Variants in LYPD6B observed in about 807,000 individuals in gnomAD.
LYPD6B encodes the protein ly6/PLAUR domain-containing protein 6B.
LYPD6B carries 17 observed loss-of-function variants against 22.8 expected under a neutral mutation model. The ratio of observed to expected loss-of-function variants is 0.75; its 90% CI spans 0.51 to 1.12. The LOEUF is 1.12. Ranked by LOEUF, LYPD6B falls within the 50% of genes most tolerant of loss-of-function variation. The pLI is 0.00. For synonymous variants in LYPD6B, 106 were observed against 91.6 expected (o/e 1.16, Z -0.90); for missense variants, 221 against 258.3 (o/e 0.86, Z 0.99).
chr2:149,144,594 G>A (rs58648788), intron 2 of LYPD6B, among the ~76,000 whole-genome samples: 2,568 of 152,206 alleles, frequency 0.017, 78 homozygotes, highest in African/African-American at 0.059. Flanking sequence ...GTTTCACCAT[G>A]TTGGCCCTAC....
intron 1 of LYPD6B, among the ~76,000 whole-genome samples, chr2:149,104,435 A>T (rs1244170220): frequency 2.0e-5 from 3 of 152,178 alleles, no homozygotes; most frequent in African/African-American, 7.2e-5. Flanking sequence ...AAGAGATAAA[A>T]TGGCTAACAT....
chr2:149,058,103 C>T (rs1031111639), intron 1 of LYPD6B, among the ~76,000 whole-genome samples: 1 of 152,132 alleles, frequency 6.6e-6, no homozygotes, highest in African/African-American at 2.4e-5. Context: ...ACTGTGTGAC[C>T]TTGGATGAGT....
intron 3 of LYPD6B, among the ~76,000 whole-genome samples, chr2:149,174,732 T>G (rs1410618386): frequency 6.6e-6 from 1 of 151,866 alleles, no homozygotes; most frequent in African/African-American, 2.4e-5. Context: ...AGGGATGAAG[T>G]CTGTTGTTCG....
chr2:149,098,677 T>G (rs1686035939), intron 1 of LYPD6B, among the ~76,000 whole-genome samples: 1 of 150,844 alleles, frequency 6.6e-6, no homozygotes. Flanking sequence ...TTTCTTGTAT[T>G]GCTTCTGTAA....
At chr2:149,040,214 TCTCTCTC>T (rs775070232) in intron 1 of LYPD6B, among the ~76,000 whole-genome samples, 1 of 98,004 alleles carries the variant, frequency 1.0e-5, no homozygotes, top group Non-Finnish European at 2.7e-5. Flanking sequence ...TCTCTCTCTC[TCTCTCTC>T]TTTTTTTTTT....
chr2:149,122,911 G>C (rs1246296710), intron 1 of LYPD6B, among the ~76,000 whole-genome samples: 1 of 152,186 alleles, frequency 6.6e-6, no homozygotes, highest in East Asian at 1.9e-4. Flanking sequence ...CTGTGACATG[G>C]TTTCCGTGTC....
intron 3 of LYPD6B, among the ~76,000 whole-genome samples, chr2:149,200,361 T>C (rs1464262066): frequency 6.6e-6 from 1 of 152,224 alleles, no homozygotes; most frequent in East Asian, 1.9e-4. Flanking sequence ...ATCATTTCTT[T>C]ATCATCTTTG....
chr2:149,197,099 C>T (rs12613053), intron 3 of LYPD6B, among the ~76,000 whole-genome samples: 29,809 of 152,208 alleles, frequency 0.2, 3,066 homozygotes, highest in East Asian at 0.36. Flanking sequence ...CTATATCTTT[C>T]TCTCAAGTAT....
chr2:149,191,985 G>T (rs1410264775), intron 3 of LYPD6B, among the ~76,000 whole-genome samples: 1 of 152,198 alleles, frequency 6.6e-6, no homozygotes, highest in Non-Finnish European at 1.5e-5. Flanking sequence ...CTTCAGCAAA[G>T]TGAGAAAGGT....
intron 2 of LYPD6B, among the ~76,000 whole-genome samples, chr2:149,155,855 C>A (rs1024256453): frequency 2.0e-5 from 3 of 152,178 alleles, no homozygotes; most frequent in African/African-American, 7.2e-5. Context: ...TAACAAAGGA[C>A]ATCAATCACT....
intron 2 of LYPD6B, among the ~76,000 whole-genome samples, chr2:149,143,144 A>G (rs920631226): frequency 1.3e-5 from 2 of 152,174 alleles, no homozygotes; most frequent in African/African-American, 2.4e-5. Context: ...CTCTCCCACT[A>G]TCCCATCTAT....
intron 2 of LYPD6B, among the ~76,000 whole-genome samples, chr2:149,157,184 C>T (rs1037859597): frequency 2.0e-5 from 3 of 152,050 alleles, no homozygotes; most frequent in African/African-American, 7.2e-5. Flanking sequence ...TTCAGCCTGT[C>T]GGGGGCCGGC....
chr2:149,109,214 C>A (rs1201427966), intron 1 of LYPD6B, among the ~76,000 whole-genome samples: 1 of 152,082 alleles, frequency 6.6e-6, no homozygotes, highest in Non-Finnish European at 1.5e-5. Flanking sequence ...TTTGATAGTT[C>A]TTGTGGTGCA....
chr2:149,082,820 G>A (rs1032682778), intron 1 of LYPD6B, among the ~76,000 whole-genome samples: 28 of 152,158 alleles, frequency 1.8e-4, no homozygotes, highest in Admixed American at 6.5e-5. Context: ...TAATAATCAC[G>A]ATGTAGTAAG....
chr2:149,086,124 A>C (rs1371495771), intron 1 of LYPD6B, among the ~76,000 whole-genome samples: 2 of 152,186 alleles, frequency 1.3e-5, no homozygotes, highest in African/African-American at 2.4e-5. Context: ...TTCTTCTTCC[A>C]AAATCAAAGG....
chr2:149,107,141 AAT>A lies in LYPD6B; in HGVS notation c.-66-23739_-66-23738del, dbSNP rs372434544. Reference sequence around the variant, plus strand: ...GTTATGTAAATGTGGTCTTTCTTAAAATATCTTATTGTGCTGTACTCACCCTT... The same window carrying A: ...GTTATGTAAATGTGGTCTTTCTTAAAATCTTATTGTGCTGTACTCACCCTT... On this transcript the variant is annotated intron_variant, in intron 1 of 6. Coordinates refer to ENST00000409642, the MANE Select transcript of LYPD6B (RefSeq NM_177964.5). Among the ~76,000 whole-genome samples, 355 of 152,340 alleles carry A rather than the reference AAT, an allele frequency of 2.3e-3. 1 individual carries two copies. Among genetic ancestry groups the A allele is most frequent in the African/African-American group, 7.5e-3 (310 of 41,582 alleles).
intron 1 of LYPD6B, among the ~76,000 whole-genome samples, chr2:149,103,369 T>C (rs1686306549): frequency 6.6e-6 from 1 of 152,192 alleles, no homozygotes; most frequent in African/African-American, 2.4e-5. Flanking sequence ...CTTAACAATG[T>C]CAGTCTGTTC....
intron 1 of LYPD6B, among the ~76,000 whole-genome samples, chr2:149,086,263 A>G (rs1268261071): frequency 6.6e-6 from 1 of 152,226 alleles, no homozygotes; most frequent in Non-Finnish European, 1.5e-5. Context: ...GGCTACATCT[A>G]GAAAAAAGAA....
chr2:149,081,166 A>G (rs1195273442), intron 1 of LYPD6B, among the ~76,000 whole-genome samples: 1 of 152,214 alleles, frequency 6.6e-6, no homozygotes, highest in African/African-American at 2.4e-5. Context: ...GATAGAAGAC[A>G]TAATAGAAGA....
Sources: allele counts gnomAD v4.1 joint callset (sites outside exome capture counted in the v4.1 genomes callset), GRCh38; gene constraint gnomAD v4.1.1; transcripts MANE v1.5; gene names NCBI Gene and HGNC (gene_info 2026-07-23, HGNC 2026-07-21).